SORCS3: variants seen among roughly 807,000 people sequenced by gnomAD.
SORCS3 encodes sortilin related VPS10 domain containing receptor 3, also known as VPS10 domain-containing receptor SorCS3.
SORCS3 carries 57 observed loss-of-function variants against 146.3 expected under a neutral mutation model. That is an observed-to-expected ratio of 0.39 (90% CI 0.31 to 0.49). The LOEUF (loss-of-function observed/expected upper bound fraction) is 0.49. SORCS3 is among the 20% of genes least tolerant of loss of function. SORCS3 has a pLI of 0.92. For synonymous variants in SORCS3, 653 were observed against 618.5 expected (o/e 1.06, Z -0.83); for missense variants, 1,341 against 1,575.5 (o/e 0.85, Z 2.52).
At chr10:105,160,400 G>C (rs185598579) in intron 11 of SORCS3, among the ~76,000 whole-genome samples, 1 of 152,196 alleles carries the variant, frequency 6.6e-6, no homozygotes. Context: ...GCCGAGGCAG[G>C]TGGATCACCT....
intron 3 of SORCS3, among the ~76,000 whole-genome samples, chr10:104,949,850 A>T (rs1402812225): frequency 1.3e-5 from 2 of 152,262 alleles, no homozygotes; most frequent in African/African-American, 2.4e-5. Flanking sequence ...GCAGATTATT[A>T]GCCACTTGGC....
At chr10:104,977,938 G>A (rs560329145) in intron 4 of SORCS3, among the ~76,000 whole-genome samples, 1 of 151,800 alleles carries the variant, frequency 6.6e-6, no homozygotes, top group Non-Finnish European at 1.5e-5. Context: ...CACCAAGTTG[G>A]CCAGGATGGT....
chr10:105,135,728 C>G (rs1175918184), intron 7 of SORCS3, among the ~76,000 whole-genome samples: 2 of 152,204 alleles, frequency 1.3e-5, no homozygotes, highest in African/African-American at 2.4e-5. Flanking sequence ...CTGCCTTCTA[C>G]AAATCTTTAG....
chr10:104,658,132 A>G (rs1016483569), intron 1 of SORCS3, among the ~76,000 whole-genome samples: 4 of 152,194 alleles, frequency 2.6e-5, no homozygotes, highest in Non-Finnish European at 5.9e-5. Flanking sequence ...TAATTTTTAA[A>G]GAAATGGGGT....
chr10:104,996,135 A>C (rs2055025505), intron 4 of SORCS3, among the ~76,000 whole-genome samples: 1 of 152,186 alleles, frequency 6.6e-6, no homozygotes, highest in African/African-American at 2.4e-5. Context: ...TCTTGACACC[A>C]GTACTACATT....
intron 9 of SORCS3, among the ~76,000 whole-genome samples, chr10:105,148,602 A>C (rs2056148443): frequency 6.6e-6 from 1 of 151,994 alleles, no homozygotes; most frequent in Non-Finnish European, 1.5e-5. Flanking sequence ...TTCACCAGTA[A>C]CCAGTGGCCA....
At chr10:104,736,309 G>A (rs1177101312) in intron 1 of SORCS3, among the ~76,000 whole-genome samples, 1 of 152,116 alleles carries the variant, frequency 6.6e-6, no homozygotes, top group Non-Finnish European at 1.5e-5. Context: ...GAGGGGGGCA[G>A]GACTGAGCTT....
rs566159221 is a variant in SORCS3, at chr10:104,765,849, A to G, written c.628-76943A>G. Reference sequence around the variant, plus strand: ...AATGAGAAATTAAGTGCAGTTCCCAAGGTCACTCAGCTAATAAGTGTCAGA... The same window carrying G: ...AATGAGAAATTAAGTGCAGTTCCCAGGGTCACTCAGCTAATAAGTGTCAGA... On this transcript the variant is annotated intron_variant, in intron 1 of 26. Coordinates refer to ENST00000369701, the MANE Select transcript of SORCS3 (RefSeq NM_014978.3). Among the ~76,000 whole-genome samples the G allele has an allele frequency of 4.6e-5, 7 of 152,334 alleles. No individual in the cohort carries two copies. In the East Asian group the frequency reaches 1.4e-3, roughly 29 times the overall value.
At chr10:104,822,711 C>T (rs140207897) in intron 1 of SORCS3, among the ~76,000 whole-genome samples, 94 of 152,288 alleles carry the variant, frequency 6.2e-4, no homozygotes, top group African/African-American at 1.7e-3. Context: ...GCCCTCAATA[C>T]GCTCTAAGTT....
At chr10:104,758,720 T>G (rs1203766877) in intron 1 of SORCS3, among the ~76,000 whole-genome samples, 1 of 152,162 alleles carries the variant, frequency 6.6e-6, no homozygotes, top group African/African-American at 2.4e-5. Flanking sequence ...TGGGATATTG[T>G]GGCTCCTCGC....
At chr10:105,131,868 A>C (rs1158239363) in intron 7 of SORCS3, among the ~76,000 whole-genome samples, 3 of 152,152 alleles carry the variant, frequency 2.0e-5, no homozygotes, top group Non-Finnish European at 4.4e-5. Context: ...GGGAAATGGT[A>C]CTAAACCATT....
chr10:105,159,064 G>C (rs1201877990), intron 11 of SORCS3, 70 bp downstream of exon 11: 2 of 1,119,020 alleles, frequency 1.8e-6, no homozygotes, highest in African/African-American at 3.1e-5. Context: ...CCTCTTTTTG[G>C]ATCATGGACT....
intron 4 of SORCS3, among the ~76,000 whole-genome samples, chr10:104,996,786 A>AT (rs2055030143): frequency 6.6e-6 from 1 of 152,144 alleles, no homozygotes; most frequent in South Asian, 2.1e-4. Flanking sequence ...AATTAGAGGG[A>AT]TTTTCAGAGC....
intron 1 of SORCS3, among the ~76,000 whole-genome samples, chr10:104,688,318 C>T (rs899237018): frequency 1.3e-5 from 2 of 152,284 alleles, no homozygotes; most frequent in Non-Finnish European, 1.5e-5. Flanking sequence ...AGGGACGATT[C>T]GGGTGAAGGG....
chr10:104,820,989 C>A (rs1030315283), intron 1 of SORCS3, among the ~76,000 whole-genome samples: 2 of 152,150 alleles, frequency 1.3e-5, no homozygotes, highest in Admixed American at 1.3e-4. Flanking sequence ...GATTGATTGA[C>A]TGATTGAACA....
chr10:104,853,392 CAG>C (rs1311102460), intron 2 of SORCS3, among the ~76,000 whole-genome samples: 1 of 152,216 alleles, frequency 6.6e-6, no homozygotes, highest in Non-Finnish European at 1.5e-5. Flanking sequence ...TTGCAAGTAA[CAG>C]AAACCATTGC....
At chr10:105,085,224 G>A (rs953814882) in intron 5 of SORCS3, among the ~76,000 whole-genome samples, 8 of 152,240 alleles carry the variant, frequency 5.3e-5, no homozygotes, top group African/African-American at 1.9e-4. Context: ...AGCTCAAAAT[G>A]TCAACAGTGC....
intron 4 of SORCS3, among the ~76,000 whole-genome samples, chr10:105,041,654 T>C (rs947694874): frequency 2.0e-5 from 3 of 152,056 alleles, no homozygotes; most frequent in Non-Finnish European, 4.4e-5. Context: ...CAAAACTTTT[T>C]TGAGATTACC....
chr10:104,762,360 T>A (rs2017130843), intron 1 of SORCS3, among the ~76,000 whole-genome samples: 1 of 152,160 alleles, frequency 6.6e-6, no homozygotes, highest in Non-Finnish European at 1.5e-5. Flanking sequence ...AAGCTAACAA[T>A]GTGGTGTTAG....
Sources: gnomAD v4.1 joint callset for allele counts (sites outside exome capture counted in the v4.1 genomes callset) on GRCh38, gnomAD v4.1.1 for gene constraint, MANE v1.5 for transcripts, NCBI Gene and HGNC (gene_info 2026-07-23, HGNC 2026-07-21) for gene names.